LNX1: variants seen among roughly 807,000 people sequenced by gnomAD.
LNX1 encodes E3 ubiquitin-protein ligase LNX.
In LNX1, 54 loss-of-function variants were observed where a neutral mutation model predicts 68.4. That is an observed-to-expected ratio of 0.79 (90% CI 0.63 to 0.99). The LOEUF (loss-of-function observed/expected upper bound fraction) is 0.99. Ranked by LOEUF, LNX1 falls within the 50% of genes least tolerant of loss-of-function variation. LNX1 has a pLI of 0.00. For synonymous variants in LNX1, 336 were observed against 350.0 expected (o/e 0.96, Z 0.45); for missense variants, 906 against 926.4 (o/e 0.98, Z 0.29).
intron 2 of LNX1, among the ~76,000 whole-genome samples, chr4:53,544,188 T>TTC (rs199877213): frequency 5.9e-5 from 9 of 151,666 alleles, no homozygotes; most frequent in South Asian, 2.1e-4. Context: ...AGGTGCTGAT[T>TTC]TCTCTCTCTC....
At chr4:53,475,329 T>C (rs1025205054) in intron 9 of LNX1, among the ~76,000 whole-genome samples, 2 of 152,226 alleles carry the variant, frequency 1.3e-5, no homozygotes, top group African/African-American at 4.8e-5. Flanking sequence ...CTACTTTCAC[T>C]CAGGCTCAGT....
At chr4:53,567,890 A>G (rs1240530804) in intron 2 of LNX1, among the ~76,000 whole-genome samples, 1 of 152,106 alleles carries the variant, frequency 6.6e-6, no homozygotes, top group African/African-American at 2.4e-5. Context: ...AAACTAGAAA[A>G]TCTAGAAGAA....
chr4:53,616,539 C>G (rs1440291334), exon 2 of LNX1: 1 of 152,076 alleles, frequency 6.6e-6, no homozygotes, highest in East Asian at 1.9e-4. Context: ...GCTTGTGTCC[C>G]CTTGTTCTCT....
intron 1 of LNX1, among the ~76,000 whole-genome samples, chr4:53,641,549 CA>C (rs1315826652): frequency 1.3e-5 from 2 of 152,210 alleles, no homozygotes. Flanking sequence ...CCACAATACC[CA>C]GGGGTTCAAC....
intron 9 of LNX1, among the ~76,000 whole-genome samples, chr4:53,463,946 A>G (rs1047630672): frequency 1.3e-5 from 2 of 152,142 alleles, no homozygotes; most frequent in South Asian, 4.1e-4. Context: ...CCTAAGAAAA[A>G]CACTGTTTAG....
chr4:53,588,152 T>C (rs1732292219), intron 1 of LNX1, among the ~76,000 whole-genome samples: 1 of 152,246 alleles, frequency 6.6e-6, no homozygotes, highest in African/African-American at 2.4e-5. Flanking sequence ...ATTTCAATTA[T>C]TCCTCCCAAC....
chr4:53,481,093 T>C (rs1430937808), intron 7 of LNX1, among the ~76,000 whole-genome samples: 3 of 152,164 alleles, frequency 2.0e-5, no homozygotes, highest in African/African-American at 7.2e-5. Context: ...GAAGTACAAA[T>C]TGGGCTGAGT....
At chr4:53,548,051 G>C (rs2109685990) in intron 2 of LNX1, among the ~76,000 whole-genome samples, 1 of 152,112 alleles carries the variant, frequency 6.6e-6, no homozygotes, top group African/African-American at 2.4e-5. Context: ...AGGTGTGGTT[G>C]GGGGTGGTGG....
Position 53,478,749 on chromosome 4 carries a change from G to A in LNX1, c.1486-7C>T, listed in dbSNP as rs1435212672. ...TAATTGTAGGATGGAGGGGCTGAAG[G>A]CACAGATGGAAAAACATGGCACATG... On this transcript the variant is annotated splice_polypyrimidine_tract_variant and splice_region_variant and intron_variant, in intron 7 of 10. Coordinates refer to ENST00000263925, the MANE Select transcript of LNX1 (RefSeq NM_001126328.3). 1.2e-6 allele frequency: 2 copies of A among 1,608,712 alleles called. No individual in the cohort carries two copies. Among genetic ancestry groups the A allele is most frequent in the Admixed American group, 3.4e-5 (2 of 59,572 alleles).
In LNX1 at chr4:53,460,418, A is replaced by C. The variant is rs545381355; in HGVS notation, c.*489T>G. 56 of 189,598 alleles carry C rather than the reference A, an allele frequency of 3.0e-4. No individual in the cohort carries two copies. The highest frequency in any genetic ancestry group is 1.1e-3 in the African/African-American group (48 of 43,014). The allele number at this position is 189,598 out of a possible 1,614,324, so 11.7% of individuals were successfully genotyped here. ...ATCTTTTAAATAGTGATAATACAAA[A>C]GTAATCTTAATTAGTATCACATACT... is the stretch of plus-strand genomic sequence containing the variant. On this transcript the variant is annotated 3_prime_UTR_variant, in exon 11 of 11. Coordinates refer to ENST00000263925, the MANE Select transcript of LNX1 (RefSeq NM_001126328.3).
chr4:53,570,486 G>A (rs2109770183), intron 2 of LNX1, among the ~76,000 whole-genome samples: 1 of 132,536 alleles, frequency 7.5e-6, no homozygotes, highest in Non-Finnish European at 1.6e-5. Context: ...GACACAGGAA[G>A]GGGAACATCA....
At chr4:53,563,561 G>A (rs1577719085) in intron 2 of LNX1, among the ~76,000 whole-genome samples, 1 of 145,318 alleles carries the variant, frequency 6.9e-6, no homozygotes, top group African/African-American at 2.7e-5. Context: ...TTGAGACAGA[G>A]TCTCGCTCTG....
chr4:53,602,043 T>G (rs1318970572), intron 2 of LNX1, among the ~76,000 whole-genome samples: 3 of 152,092 alleles, frequency 2.0e-5, no homozygotes, highest in Non-Finnish European at 4.4e-5. Flanking sequence ...TCATAAAACA[T>G]CAAAAATGGC....
intron 2 of LNX1, among the ~76,000 whole-genome samples, chr4:53,554,148 T>C (rs1349833092): frequency 6.6e-6 from 1 of 152,234 alleles, no homozygotes; most frequent in Non-Finnish European, 1.5e-5. Context: ...GCATGCCTTT[T>C]GCAAGCATTT....
At chr4:53,562,422 C>T (rs1286687564) in intron 2 of LNX1, among the ~76,000 whole-genome samples, 1 of 152,238 alleles carries the variant, frequency 6.6e-6, no homozygotes. Flanking sequence ...TTTCCAACTG[C>T]TAGCTCCAAA....
At chr4:53,472,707 CAATG>C (rs1723309301) in intron 9 of LNX1, among the ~76,000 whole-genome samples, 2 of 85,858 alleles carry the variant, frequency 2.3e-5, no homozygotes, top group Non-Finnish European at 2.5e-5. Flanking sequence ...AAACAAAAAA[CAATG>C]GGGAAGTAAA....
Position 53,496,166 on chromosome 4 carries a change from C to T in LNX1, c.1207G>A (p.Glu403Lys). ...ACATTGAAGATGAAAACCCCAGGCT[C>T]ATCCACCTTGCGCACCAGTTTTATT... ...LGIKLVRKVDEPGVFIFNVLD... is the reference protein window; with the variant it reads ...LGIKLVRKVDKPGVFIFNVLD... The change falls in exon 6 of 11, where the codon GAG (glutamate) becomes AAG (lysine). Residue 403 changes from glutamate (E) to lysine (K), a missense_variant. Coordinates refer to ENST00000263925, the MANE Select transcript of LNX1 (RefSeq NM_001126328.3). 7 of 1,614,166 alleles carry T rather than the reference C, an allele frequency of 4.3e-6. No homozygotes were observed. The highest frequency in any genetic ancestry group is 5.9e-6 in the Non-Finnish European group (7 of 1,180,028).
At chr4:53,580,369 G>T (rs1179162677) in intron 1 of LNX1, among the ~76,000 whole-genome samples, 8 of 152,204 alleles carry the variant, frequency 5.3e-5, no homozygotes, top group African/African-American at 1.9e-4. Flanking sequence ...TCTTCTGCAA[G>T]CTCCCCAATT....
At chr4:53,564,228 G>T (rs1353756449) in intron 2 of LNX1, among the ~76,000 whole-genome samples, 1 of 152,226 alleles carries the variant, frequency 6.6e-6, no homozygotes, top group Non-Finnish European at 1.5e-5. Flanking sequence ...GGCTGCATGG[G>T]CTAAGGGTGA....
Sources: allele counts gnomAD v4.1 joint callset (sites outside exome capture counted in the v4.1 genomes callset), GRCh38; gene constraint gnomAD v4.1.1; transcripts MANE v1.5; gene names NCBI Gene and HGNC (gene_info 2026-07-23, HGNC 2026-07-21).